Variants in CNTNAP2 observed in about 807,000 individuals in gnomAD.
The protein encoded by CNTNAP2 is contactin associated protein 2.
CNTNAP2 carries 98 observed loss-of-function variants against 155.2 expected under a neutral mutation model. The ratio of observed to expected loss-of-function variants is 0.63; its 90% CI spans 0.54 to 0.75. The LOEUF is 0.75. CNTNAP2 is among the 30% of genes least tolerant of loss of function. The pLI is 0.00. For missense variants in CNTNAP2, 1,727 were observed against 1,688.1 expected, an observed-to-expected ratio of 1.02 and a Z score of -0.40; for synonymous variants, 651 against 631.2, an observed-to-expected ratio of 1.03 and a Z score of -0.47.
intron 8 of CNTNAP2, among the ~76,000 whole-genome samples, chr7:147,143,571 ATT>A (rs1014560855): frequency 6.6e-6 from 1 of 152,078 alleles, no homozygotes; most frequent in African/African-American, 2.4e-5. Flanking sequence ...CAGTTGATTG[ATT>A]TTTTTAATGT....
intron 16 of CNTNAP2, among the ~76,000 whole-genome samples, chr7:148,119,692 G>T (rs1177461309): frequency 6.6e-6 from 1 of 152,144 alleles, no homozygotes; most frequent in Non-Finnish European, 1.5e-5. Context: ...ACACCGTCAG[G>T]TAAATTGCTC....
intron 12 of CNTNAP2, among the ~76,000 whole-genome samples, chr7:147,620,071 A>G (rs1801364889): frequency 6.6e-6 from 1 of 152,230 alleles, no homozygotes; most frequent in Non-Finnish European, 1.5e-5. Flanking sequence ...ATCTTGTCCA[A>G]GGCCATCAAG....
intron 9 of CNTNAP2, among the ~76,000 whole-genome samples, chr7:147,332,660 G>A (rs752463840): frequency 3.3e-5 from 5 of 152,098 alleles, no homozygotes; most frequent in Admixed American, 2.0e-4. Context: ...TCTGAAGTTC[G>A]AGACCAGCCT....
chr7:148,042,714 T>C (rs1483812428), intron 15 of CNTNAP2, among the ~76,000 whole-genome samples: 1 of 152,222 alleles, frequency 6.6e-6, no homozygotes, highest in Non-Finnish European at 1.5e-5. Context: ...ACTGTTCTCT[T>C]ATTCCAGGCT....
intron 1 of CNTNAP2, among the ~76,000 whole-genome samples, chr7:146,285,686 C>T (rs1424809699): frequency 1.1e-5 from 1 of 88,344 alleles, no homozygotes; most frequent in Non-Finnish European, 2.1e-5. Context: ...CTTCCCTCAT[C>T]TCCCTTCCCC....
intron 1 of CNTNAP2, among the ~76,000 whole-genome samples, chr7:146,381,484 C>G (rs1021660421): frequency 6.6e-6 from 1 of 152,122 alleles, no homozygotes; most frequent in Non-Finnish European, 1.5e-5. Flanking sequence ...TTTGTGCCTG[C>G]TTCTTCATTT....
At chr7:146,250,244 T>C (rs78076480) in intron 1 of CNTNAP2, among the ~76,000 whole-genome samples, 3,840 of 152,290 alleles carry the variant, frequency 0.025, 92 homozygotes, top group African/African-American at 0.058. Flanking sequence ...ACTTTAAATA[T>C]GTAGAGCATC....
intron 1 of CNTNAP2, among the ~76,000 whole-genome samples, chr7:146,688,971 CTTT>C (rs1488192321): frequency 6.6e-6 from 1 of 152,102 alleles, no homozygotes; most frequent in East Asian, 1.9e-4. Context: ...CTATGTTCAT[CTTT>C]TATTATACAG....
At chr7:147,653,214 A>T (rs549964005) in intron 13 of CNTNAP2, among the ~76,000 whole-genome samples, 1 of 152,312 alleles carries the variant, frequency 6.6e-6, no homozygotes, top group African/African-American at 2.4e-5. Flanking sequence ...GACATAAGAT[A>T]TGGAAACGAA....
intron 1 of CNTNAP2, among the ~76,000 whole-genome samples, chr7:146,134,999 C>A (rs1283028690): frequency 1.3e-5 from 2 of 151,808 alleles, no homozygotes; most frequent in African/African-American, 4.8e-5. Flanking sequence ...CCAGTTCCTC[C>A]TTGTACCTCT....
chr7:148,069,511 C>G (rs901998851), intron 15 of CNTNAP2, among the ~76,000 whole-genome samples: 1 of 152,068 alleles, frequency 6.6e-6, no homozygotes, highest in African/African-American at 2.4e-5. Flanking sequence ...ACCTGTAATT[C>G]CAGCACTTTG....
chr7:147,118,416 A>C (rs966639805), intron 5 of CNTNAP2, among the ~76,000 whole-genome samples: 6 of 152,218 alleles, frequency 3.9e-5, no homozygotes, highest in Non-Finnish European at 8.8e-5. Context: ...TGTTGATAGC[A>C]TTTAAAATGT....
At chr7:146,622,355 T>C (rs902283882) in intron 1 of CNTNAP2, among the ~76,000 whole-genome samples, 11 of 151,888 alleles carry the variant, frequency 7.2e-5, no homozygotes, top group African/African-American at 2.7e-4. Context: ...TCCTGGTTTT[T>C]GTTGTTGTTG....
intron 1 of CNTNAP2, among the ~76,000 whole-genome samples, chr7:146,354,307 T>C (rs553586106): frequency 6.6e-6 from 1 of 152,306 alleles, no homozygotes; most frequent in South Asian, 2.1e-4. Flanking sequence ...AAATTAAACT[T>C]GAAAACACCT....
At chr7:147,863,038 G>A (rs557037103) in intron 13 of CNTNAP2, among the ~76,000 whole-genome samples, 133 of 152,054 alleles carry the variant, frequency 8.7e-4, no homozygotes, top group Non-Finnish European at 1.4e-3. Flanking sequence ...CCATCAACTC[G>A]TCATTTATTT....
intron 3 of CNTNAP2, among the ~76,000 whole-genome samples, chr7:146,971,820 A>G (rs55837554): frequency 0.011 from 1,606 of 152,248 alleles, 27 homozygotes; most frequent in African/African-American, 0.037. Flanking sequence ...GCTAATACCC[A>G]TCATGGAGTT....
At chr7:146,790,816 A>G (rs1408955810) in intron 2 of CNTNAP2, among the ~76,000 whole-genome samples, 2 of 150,640 alleles carry the variant, frequency 1.3e-5, no homozygotes, top group African/African-American at 2.5e-5. Flanking sequence ...TGATCCGCCC[A>G]CCTCGGCCTC....
intron 1 of CNTNAP2, among the ~76,000 whole-genome samples, chr7:146,543,287 C>G (rs1003674087): frequency 1.3e-5 from 2 of 151,772 alleles, no homozygotes; most frequent in African/African-American, 4.8e-5. Context: ...TTCAATAAAA[C>G]ATTTTTTAAA....
At chr7:147,631,472 A>T (rs531149647) in intron 12 of CNTNAP2, among the ~76,000 whole-genome samples, 1 of 152,286 alleles carries the variant, frequency 6.6e-6, no homozygotes, top group Admixed American at 6.5e-5. Flanking sequence ...CAGAACTATA[A>T]AAAACAATCC....
Sources: allele counts gnomAD v4.1 joint callset (sites outside exome capture counted in the v4.1 genomes callset), GRCh38; gene constraint gnomAD v4.1.1; transcripts MANE v1.5; gene names NCBI Gene and HGNC (gene_info 2026-07-23, HGNC 2026-07-21).